Variants in NXPH1 observed in about 807,000 individuals in gnomAD.
The protein encoded by NXPH1 is neurexophilin-1.
Under a neutral mutation model 23.7 loss-of-function variants are expected in NXPH1, and 5 were observed. The ratio of observed to expected loss-of-function variants is 0.21; its 90% CI spans 0.11 to 0.44. The LOEUF is 0.44. Among genes scored for constraint, NXPH1 ranks in the 20% least tolerant of loss-of-function variants. The pLI, the probability that NXPH1 is intolerant of heterozygous loss-of-function variation, is 0.99. For missense variants in NXPH1, 324 were observed against 321.6 expected (o/e 1.01, Z -0.06); for synonymous variants, 144 against 122.2 (o/e 1.18, Z -1.18).
chr7:8,525,181 G>C (rs1303499550), intron 2 of NXPH1, among the ~76,000 whole-genome samples: 1 of 152,202 alleles, frequency 6.6e-6, no homozygotes, highest in Non-Finnish European at 1.5e-5. Context: ...TTGGGAACTG[G>C]AGCAAAGGTG....
chr7:8,665,506 T>A (rs1820746470), intron 2 of NXPH1, among the ~76,000 whole-genome samples: 1 of 152,072 alleles, frequency 6.6e-6, no homozygotes, highest in South Asian at 2.1e-4. Context: ...GGGGTCTATT[T>A]GTGGTTCCAT....
At chr7:8,588,795 A>C (rs1177565838) in intron 2 of NXPH1, among the ~76,000 whole-genome samples, 1 of 152,098 alleles carries the variant, frequency 6.6e-6, no homozygotes, top group African/African-American at 2.4e-5. Context: ...TATACATAAA[A>C]CTACACTTGG....
At chr7:8,642,319 G>A (rs1820329722) in intron 2 of NXPH1, among the ~76,000 whole-genome samples, 1 of 152,168 alleles carries the variant, frequency 6.6e-6, no homozygotes, top group African/African-American at 2.4e-5. Flanking sequence ...TTCCAATGTT[G>A]CTGTAAAAAG....
chr7:8,592,907 C>A (rs1562416270), intron 2 of NXPH1, among the ~76,000 whole-genome samples: 1 of 151,224 alleles, frequency 6.6e-6, no homozygotes, highest in African/African-American at 2.4e-5. Context: ...AAAACAGGCA[C>A]TGGGCAGCAT....
chr7:8,677,740 T>C (rs1003564588), intron 2 of NXPH1, among the ~76,000 whole-genome samples: 1 of 152,120 alleles, frequency 6.6e-6, no homozygotes, highest in Admixed American at 6.6e-5. Flanking sequence ...AGAAGAAAAC[T>C]AAAGATTAAT....
At chr7:8,490,952 G>A (rs1817239344) in intron 2 of NXPH1, among the ~76,000 whole-genome samples, 4 of 152,046 alleles carry the variant, frequency 2.6e-5, no homozygotes, top group Admixed American at 2.0e-4. Context: ...ACAGGACTGT[G>A]TCTATGAATG....
intron 2 of NXPH1, among the ~76,000 whole-genome samples, chr7:8,741,932 T>G (rs1452542066): frequency 6.6e-6 from 1 of 152,142 alleles, no homozygotes; most frequent in African/African-American, 2.4e-5. Flanking sequence ...CTTTCAAATA[T>G]TCTTAAGACT....
chr7:8,670,922 C>A (rs1410859263), intron 2 of NXPH1, among the ~76,000 whole-genome samples: 1 of 152,164 alleles, frequency 6.6e-6, no homozygotes, highest in Non-Finnish European at 1.5e-5. Flanking sequence ...TAGGTAATAT[C>A]TAAGCTGATA....
chr7:8,613,320 G>A (rs1819659567), intron 2 of NXPH1, among the ~76,000 whole-genome samples: 1 of 151,806 alleles, frequency 6.6e-6, no homozygotes, highest in South Asian at 2.1e-4. Context: ...TATTGTCCAG[G>A]GCTTTCGTGG....
chr7:8,652,322 C>T (rs1820503040), intron 2 of NXPH1, among the ~76,000 whole-genome samples: 1 of 152,068 alleles, frequency 6.6e-6, no homozygotes, highest in Non-Finnish European at 1.5e-5. Context: ...ATAAATTTTA[C>T]ATATGTGTTA....
chr7:8,707,209 A>C (rs1029429983), intron 2 of NXPH1, among the ~76,000 whole-genome samples: 1 of 152,172 alleles, frequency 6.6e-6, no homozygotes, highest in African/African-American at 2.4e-5. Flanking sequence ...AATTACAAGG[A>C]ATTTATTTGG....
At chr7:8,634,054 C>T (rs1172042700) in intron 2 of NXPH1, among the ~76,000 whole-genome samples, 1 of 152,120 alleles carries the variant, frequency 6.6e-6, no homozygotes, top group Non-Finnish European at 1.5e-5. Context: ...TGATGTGAGG[C>T]TGAAATCGAA....
chr7:8,556,860 G>A (rs1272710122), intron 2 of NXPH1, among the ~76,000 whole-genome samples: 3 of 151,650 alleles, frequency 2.0e-5, no homozygotes, highest in Non-Finnish European at 3.0e-5. Context: ...ATGGGCTAAA[G>A]GGCTTATACA....
chr7:8,726,654 AG>A (rs1423232888), intron 2 of NXPH1, among the ~76,000 whole-genome samples: 1 of 150,294 alleles, frequency 6.7e-6, no homozygotes, highest in Non-Finnish European at 1.5e-5. Context: ...GTCCCTACAA[AG>A]GACATGAACT....
chr7:8,521,386 T>A (rs1341366181), intron 2 of NXPH1, among the ~76,000 whole-genome samples: 2 of 152,184 alleles, frequency 1.3e-5, no homozygotes, highest in African/African-American at 4.8e-5. Flanking sequence ...GCCCCCTTGC[T>A]GTTAGGTGGA....
At chr7:8,659,264 T>G (rs1820631465) in intron 2 of NXPH1, among the ~76,000 whole-genome samples, 1 of 152,156 alleles carries the variant, frequency 6.6e-6, no homozygotes, top group Non-Finnish European at 1.5e-5. Flanking sequence ...CCAGAAAACA[T>G]TGCTATTTAG....
intron 2 of NXPH1, among the ~76,000 whole-genome samples, chr7:8,465,338 ACTCG>A (rs1189154195): frequency 6.6e-6 from 1 of 152,072 alleles, no homozygotes; most frequent in African/African-American, 2.4e-5. Flanking sequence ...GGAATTTTCT[ACTCG>A]CTCCTCTATG....
intron 2 of NXPH1, among the ~76,000 whole-genome samples, chr7:8,651,225 G>T (rs1176783713): frequency 5.6e-5 from 4 of 71,256 alleles, no homozygotes; most frequent in Admixed American, 2.0e-4. Context: ...TGCGGTGTTT[G>T]GTTTTTTGTT....
chr7:8,559,500 T>C (rs1002330448), intron 2 of NXPH1, among the ~76,000 whole-genome samples: 2 of 151,790 alleles, frequency 1.3e-5, no homozygotes, highest in Admixed American at 6.6e-5. Context: ...TTGGTTCCTA[T>C]TTTCTCCCTA....
Sources: allele counts gnomAD v4.1 joint callset (sites outside exome capture counted in the v4.1 genomes callset), GRCh38; gene constraint gnomAD v4.1.1; transcripts MANE v1.5; gene names NCBI Gene and HGNC (gene_info 2026-07-23, HGNC 2026-07-21).